RAD54L: variants seen among roughly 807,000 people sequenced by gnomAD.
The protein encoded by RAD54L is DNA repair and recombination protein RAD54-like.
A neutral mutation model predicts 91.6 loss-of-function variants in RAD54L; 74 were observed. The ratio of observed to expected loss-of-function variants is 0.81; its 90% CI spans 0.67 to 0.98. RAD54L has a LOEUF of 0.98. Ranked by LOEUF, RAD54L falls within the 50% of genes least tolerant of loss-of-function variation. The pLI, the probability that RAD54L is intolerant of heterozygous loss-of-function variation, is 0.00. For synonymous variants in RAD54L, 304 were observed against 349.7 expected (o/e 0.87, Z 1.46); for missense variants, 887 against 945.7 (o/e 0.94, Z 0.81).
At chr1:46,274,793 C>CCT in intron 16 of RAD54L, 76 bp downstream of exon 16, 2 of 1,573,938 alleles carry the variant, frequency 1.3e-6, no homozygotes, top group South Asian at 1.1e-5. Flanking sequence ...TTCCTTAGTG[C>CCT]CTCTCTTTGG....
At chr1:46,267,750 C>A (rs1206948572) in intron 9 of RAD54L, 141 bp downstream of exon 9, 1 of 1,174,232 alleles carries the variant, frequency 8.5e-7, no homozygotes, top group Non-Finnish European at 1.2e-6. Context: ...CTTCTCTTGT[C>A]AGGGAGTAGC....
chr1:46,250,243 G>C (rs761245458), intron 3 of RAD54L, 124 bp downstream of exon 3: 80 of 1,352,910 alleles, frequency 5.9e-5, no homozygotes, highest in Middle Eastern at 4.9e-4. Context: ...ATCTGTAGGG[G>C]CTTTGGACCT....
At chr1:46,269,050 C>T (rs970336843) in intron 9 of RAD54L, among the ~76,000 whole-genome samples, 1 of 152,116 alleles carries the variant, frequency 6.6e-6, no homozygotes, top group Non-Finnish European at 1.5e-5. Flanking sequence ...TGGGCATGAG[C>T]CCCTATGCCT....
At position 46,277,889 on chromosome 1, in the gene RAD54L, G is replaced by A. The variant is rs746927114; in HGVS notation, c.1942G>A (p.Glu648Lys). The A allele has an allele frequency of 6.2e-7, 1 of 1,614,112 alleles. No homozygotes were observed. The highest frequency in any genetic ancestry group is 8.5e-7 in the Non-Finnish European group (1 of 1,180,014). Reference protein sequence around the residue: ...KKALSSCVVDEEQDVERHFSL... With the variant: ...KKALSSCVVDKEQDVERHFSL... The stretch of plus-strand genomic sequence containing the variant: ...GGCACTGAGCAGCTGTGTGGTGGAT[G>A]AGGAGCAGGATGTAGAGCGCCACTT... Residue 648 changes from glutamate (E) to lysine (K), a missense_variant, in exon 17 of 18, where the codon GAG becomes AAG. Glu to Lys is a moderately conservative substitution (Grantham distance 56). Transcript: ENST00000371975.
rs28910278 is a variant in RAD54L at position 46,278,251 on chromosome 1, G to A, written c.2213G>A (p.Arg738His). The A allele has an allele frequency of 4.3e-3, 6,921 of 1,613,704 alleles. 41 individuals carry two copies. Among genetic ancestry groups the A allele is most frequent in the Non-Finnish European group, 4.4e-3 (5,245 of 1,179,876 alleles). ...STAITFVFHQRSHEEQRGLR is the reference protein window; with the variant it reads ...STAITFVFHQHSHEEQRGLR ...GCCATCACCTTCGTCTTCCACCAGCGTTCTCATGAGGAGCAGCGGGGCCTC... is the reference window on the plus strand; with the variant it reads ...GCCATCACCTTCGTCTTCCACCAGCATTCTCATGAGGAGCAGCGGGGCCTC... The change falls in exon 18 of 18, where the codon CGT (arginine) becomes CAT (histidine). Residue 738 changes from arginine (R) to histidine (H), a missense_variant. By Grantham distance (29) the Arg-to-His change is conservative. Coordinates refer to ENST00000371975, the MANE Select transcript of RAD54L (RefSeq NM_003579.4).
intron 14 of RAD54L, 73 bp from the exon 15 acceptor site, chr1:46,274,065 A>G (rs1193716872): frequency 2.1e-6 from 3 of 1,453,240 alleles, no homozygotes; most frequent in Non-Finnish European, 1.9e-6. Flanking sequence ...TTTTTAAAAA[A>G]ATTTTTATTT....
intron 5 of RAD54L, 81 bp downstream of exon 5, chr1:46,260,180 G>A (rs1301461890): frequency 2.5e-6 from 4 of 1,587,248 alleles, no homozygotes; most frequent in Non-Finnish European, 3.4e-6. Context: ...GTATTTTGGT[G>A]TGATTTCTTT....
intron 3 of RAD54L, among the ~76,000 whole-genome samples, chr1:46,254,259 G>A (rs970115292): frequency 6.6e-6 from 1 of 151,948 alleles, no homozygotes; most frequent in African/African-American, 2.4e-5. Context: ...ACAGGTGTGA[G>A]CTGCTGCATC....
At chr1:46,273,952 T>C (rs960807753) in intron 14 of RAD54L, among the ~76,000 whole-genome samples, 186 bp from the exon 15 acceptor site, 2 of 152,170 alleles carry the variant, frequency 1.3e-5, no homozygotes, top group Non-Finnish European at 2.9e-5. Flanking sequence ...GGAAAGAGTC[T>C]TGGCCTCTAG....
intron 3 of RAD54L, among the ~76,000 whole-genome samples, chr1:46,257,175 A>C (rs1659967753): frequency 6.6e-6 from 1 of 151,924 alleles, no homozygotes; most frequent in Non-Finnish European, 1.5e-5. Context: ...CCCAAAAAAC[A>C]AATAAAGTAC....
intron 8 of RAD54L, 100 bp from the exon 9 acceptor site, chr1:46,267,359 C>G: frequency 2.0e-6 from 3 of 1,532,096 alleles, no homozygotes; most frequent in Non-Finnish European, 2.7e-6. Flanking sequence ...CCACGGCGCC[C>G]GGCCTGGAAT....
At chr1:46,267,646 G>A (rs751637440) in intron 9 of RAD54L, 37 bp downstream of exon 9, 1 of 1,569,834 alleles carries the variant, frequency 6.4e-7, no homozygotes, top group South Asian at 1.1e-5. Context: ...TCAGAGAGGA[G>A]CCCTGCCTTG....
chr1:46,259,029 C>T (rs779251659), intron 4 of RAD54L, among the ~76,000 whole-genome samples: 21 of 152,112 alleles, frequency 1.4e-4, no homozygotes, highest in Non-Finnish European at 2.9e-4. Context: ...TTCATTCAAT[C>T]CAAGTGCATT....
At position 46,278,460 on chromosome 1, in the gene RAD54L, G is replaced by A; in HGVS notation, c.*178G>A. On this transcript the variant is annotated 3_prime_UTR_variant, in exon 18 of 18. Transcript: ENST00000371975. ...TTTTTTGGTTAAAAAAAAGAATAAAGGTATGAAAGGGTTTGAGGCCTGAGA... is the reference window on the plus strand; with the variant it reads ...TTTTTTGGTTAAAAAAAAGAATAAAAGTATGAAAGGGTTTGAGGCCTGAGA... 1 of 786,292 alleles carries A rather than the reference G, an allele frequency of 1.3e-6. No homozygotes were observed. Among genetic ancestry groups the A allele is most frequent in the South Asian group, 1.7e-5 (1 of 59,370 alleles). 48.7% of individuals were successfully genotyped at this position (786,292 alleles called of 1,614,324 possible).
intron 12 of RAD54L, 51 bp from the exon 13 acceptor site, chr1:46,273,304 G>T: frequency 6.8e-7 from 1 of 1,466,206 alleles, no homozygotes; most frequent in Non-Finnish European, 9.6e-7. Flanking sequence ...GAACACTGAA[G>T]TGGAAACTTC....
In RAD54L at chr1:46,258,683, T is replaced by A; in HGVS notation, c.211-3T>A. 1.3e-6 allele frequency: 2 copies of A among 1,599,030 alleles called. No individual in the cohort carries two copies. Among genetic ancestry groups the A allele is most frequent in the East Asian group, 4.5e-5 (2 of 44,834 alleles). On this transcript the variant is annotated splice_region_variant and splice_polypyrimidine_tract_variant and intron_variant, in intron 3 of 17. Transcript: ENST00000371975. ...TGAATCCTTGTTTCTCCTTTCTTTT[T>A]AGGAAGCATTTATTCGAAGCATTTT...
intron 8 of RAD54L, among the ~76,000 whole-genome samples, chr1:46,266,754 A>C (rs1660275728): frequency 1.3e-5 from 2 of 152,158 alleles, no homozygotes; most frequent in Admixed American, 1.3e-4. Flanking sequence ...TGAGTTGGGT[A>C]GGCTGATGTG....
In RAD54L at chr1:46,261,005, C is replaced by A. The variant is rs763038665; in HGVS notation, c.756C>A (p.Asp252Glu). The change falls in exon 7 of 18, where the codon GAC (aspartate) becomes GAA (glutamate). Residue 252 changes from aspartate to glutamate, a missense_variant. Transcript: ENST00000371975. ...AIDGGSKDEI[D>E]QKLEGFMNQR... Reference sequence around the variant, plus strand: ...ATGGAGGATCTAAGGATGAAATAGACCAAAAGCTGGGTACGGAGCCCTAAC... The same window carrying A: ...ATGGAGGATCTAAGGATGAAATAGAACAAAAGCTGGGTACGGAGCCCTAAC... 3.7e-6 allele frequency: 6 copies of A among 1,613,424 alleles called. 1 individual carries two copies. In the South Asian group the frequency reaches 6.6e-5, roughly 18 times the overall value.
In RAD54L at chr1:46,273,429, G is replaced by T. The variant is rs751189463; in HGVS notation, c.1450G>T (p.Gly484Cys). 1 of 1,614,040 alleles carries T rather than the reference G, an allele frequency of 6.2e-7. No individual in the cohort carries two copies. The highest frequency in any genetic ancestry group is 8.5e-7 in the Non-Finnish European group (1 of 1,179,920). Residue 484 changes from glycine (G) to cysteine (C), a missense_variant, in exon 13 of 18, where the codon GGT (glycine) becomes TGT (cysteine). By Grantham distance (159) the Gly-to-Cys change is radical. Coordinates refer to ENST00000371975, the MANE Select transcript of RAD54L (RefSeq NM_003579.4). ...FVGALDLFPP[G>C]YSSKALEPQL... ...GGGTGCCTTGGACCTCTTCCCTCCTGGTTACAGCTCTAAGGCCCTGGAGCC... is the reference window on the plus strand; with the variant it reads ...GGGTGCCTTGGACCTCTTCCCTCCTTGTTACAGCTCTAAGGCCCTGGAGCC...
Sources: gnomAD v4.1 joint callset for allele counts (sites outside exome capture counted in the v4.1 genomes callset) on GRCh38, gnomAD v4.1.1 for gene constraint, MANE v1.5 for transcripts, NCBI Gene and HGNC (gene_info 2026-07-23, HGNC 2026-07-21) for gene names.